CRB1: variants seen among roughly 807,000 people sequenced by gnomAD.
The protein encoded by CRB1 is protein crumbs homolog 1.
In CRB1, 83 loss-of-function variants were observed where a neutral mutation model predicts 120.0. That is an observed-to-expected ratio of 0.69 (90% CI 0.58 to 0.83). CRB1 has a LOEUF of 0.83. Among genes scored for constraint, CRB1 ranks in the 40% least tolerant of loss-of-function variants. The probability of loss-of-function intolerance (pLI) is 0.00; values close to 1 mark genes in which losing one functional copy is unlikely to be tolerated. For synonymous variants in CRB1, 625 were observed against 612.5 expected (o/e 1.02, Z -0.30); for missense variants, 1,699 against 1,687.6 (o/e 1.01, Z -0.12).
At chr1:197,289,520 G>C (rs1465215977) in intron 1 of CRB1, among the ~76,000 whole-genome samples, 1 of 151,520 alleles carries the variant, frequency 6.6e-6, no homozygotes, top group Non-Finnish European at 1.5e-5. Context: ...AAGACTTTTT[G>C]AGCTTCTTGA....
intron 2 of CRB1, among the ~76,000 whole-genome samples, chr1:197,330,907 G>A (rs1326996614): frequency 6.6e-6 from 1 of 152,130 alleles, no homozygotes; most frequent in African/African-American, 2.4e-5. Context: ...AAGAAGAGGA[G>A]TCCTCGGCCA....
chr1:197,298,977 T>C (rs1351012723), intron 1 of CRB1, among the ~76,000 whole-genome samples: 1 of 152,036 alleles, frequency 6.6e-6, no homozygotes, highest in East Asian at 1.9e-4. Flanking sequence ...AAGACAAAAG[T>C]GGTAATTATG....
the CRB1 span, among the ~76,000 whole-genome samples, chr1:197,261,723 AATAC>A: frequency 6.6e-6 from 1 of 151,380 alleles, no homozygotes; most frequent in South Asian, 2.1e-4. Context: ...TTTTCACAAT[AATAC>A]ATTTATAATT....
intron 1 of CRB1, among the ~76,000 whole-genome samples, chr1:197,321,594 T>C (rs183435942): frequency 2.0e-4 from 30 of 152,304 alleles, no homozygotes; most frequent in South Asian, 4.1e-4. Flanking sequence ...CAAAATGTCA[T>C]CAAAACCAAA....
the CRB1 span, chr1:197,222,324 G>A: frequency 1.4e-6 from 1 of 723,172 alleles, no homozygotes; most frequent in African/African-American, 1.7e-5. Context: ...GCCTATACCG[G>A]GAGAGTGAAT....
intron 1 of CRB1, among the ~76,000 whole-genome samples, chr1:197,298,425 A>C (rs543632267): frequency 6.6e-6 from 1 of 152,222 alleles, no homozygotes; most frequent in South Asian, 2.1e-4. Flanking sequence ...GACGATGAAA[A>C]AGTGGGGTAA....
At chr1:197,417,234 G>C (rs190715585) in intron 5 of CRB1, among the ~76,000 whole-genome samples, 36 of 152,308 alleles carry the variant, frequency 2.4e-4, no homozygotes, top group East Asian at 9.6e-4. Context: ...AGGAAACTTA[G>C]ACTAGATTCT....
rs143900674 is a variant in CRB1 at position 197,329,459 on chromosome 1, T to C, written c.652+456T>C. ...CAGTGGTAGTAAAGCTGATGGAGCATGGTATATCAGATAAACCACGATTTT... is the reference window on the plus strand; with the variant it reads ...CAGTGGTAGTAAAGCTGATGGAGCACGGTATATCAGATAAACCACGATTTT... On this transcript the variant is annotated intron_variant, in intron 2 of 11. Transcript: ENST00000367400. Among the ~76,000 whole-genome samples, 13 of 152,330 alleles carry C rather than the reference T, an allele frequency of 8.5e-5. No individual in the cohort carries two copies. The East Asian group carries it at 2.3e-3, about 27-fold the overall frequency.
intron 11 of CRB1, among the ~76,000 whole-genome samples, chr1:197,462,572 T>C (rs1666577996): frequency 6.6e-6 from 1 of 152,064 alleles, no homozygotes; most frequent in African/African-American, 2.4e-5. Context: ...CTTTAGGGAG[T>C]TCGAGGCAAA....
At chr1:197,428,613 G>A (rs1664717441) in intron 7 of CRB1, among the ~76,000 whole-genome samples, 1 of 152,124 alleles carries the variant, frequency 6.6e-6, no homozygotes. Context: ...CGTTTGTTGA[G>A]CTCCAACTAT....
intron 5 of CRB1, among the ~76,000 whole-genome samples, chr1:197,400,386 A>ACTG (rs1276105241): frequency 1.4e-5 from 2 of 146,942 alleles, no homozygotes; most frequent in Non-Finnish European, 3.0e-5. Context: ...ATCTTGGCTC[A>ACTG]CTGCAGCCTG....
chr1:197,374,457 G>A (rs1044981922), intron 5 of CRB1, among the ~76,000 whole-genome samples: 1 of 152,070 alleles, frequency 6.6e-6, no homozygotes, highest in African/African-American at 2.4e-5. Context: ...CCCCCTGCAT[G>A]CCATTGTGCT....
At chr1:197,404,741 T>C (rs1006352711) in intron 5 of CRB1, among the ~76,000 whole-genome samples, 1 of 152,216 alleles carries the variant, frequency 6.6e-6, no homozygotes, top group Non-Finnish European at 1.5e-5. Context: ...GCAATTATTA[T>C]TGTTGTTTAC....
chr1:197,321,031 C>G (rs932390047), intron 1 of CRB1, among the ~76,000 whole-genome samples: 1 of 152,194 alleles, frequency 6.6e-6, no homozygotes, highest in African/African-American at 2.4e-5. Context: ...ACAAGCTATT[C>G]CCATTTCCCT....
chr1:197,249,276 C>G, the CRB1 span, among the ~76,000 whole-genome samples: 1 of 151,854 alleles, frequency 6.6e-6, no homozygotes, highest in African/African-American at 2.4e-5. Flanking sequence ...TAACCAGTCC[C>G]CTTTTGATGG....
At chr1:197,431,047 C>A (rs1664846154) in intron 8 of CRB1, among the ~76,000 whole-genome samples, 1 of 149,968 alleles carries the variant, frequency 6.7e-6, no homozygotes, top group South Asian at 2.1e-4. Context: ...GCCTGTGCAA[C>A]AAAACAAGAC....
intron 11 of CRB1, among the ~76,000 whole-genome samples, chr1:197,467,986 T>A (rs1053675521): frequency 1.3e-5 from 2 of 152,144 alleles, no homozygotes; most frequent in African/African-American, 4.8e-5. Context: ...TCCTGGCACA[T>A]GAGCTGTCTG....
chr1:197,429,073 G>T, intron 7 of CRB1: 1 of 1,500,852 alleles, frequency 6.7e-7, no homozygotes, highest in Non-Finnish European at 9.0e-7. Context: ...TTGGGCAACT[G>T]GAAACACCTT....
intron 2 of CRB1, among the ~76,000 whole-genome samples, chr1:197,338,396 A>C (rs75495061): frequency 0.022 from 3,355 of 152,258 alleles, 127 homozygotes; most frequent in African/African-American, 0.073. Context: ...AGCTCACAGA[A>C]TTAGAAGAAA....
Sources: allele counts gnomAD v4.1 joint callset (sites outside exome capture counted in the v4.1 genomes callset), GRCh38; gene constraint gnomAD v4.1.1; transcripts MANE v1.5; gene names NCBI Gene and HGNC (gene_info 2026-07-23, HGNC 2026-07-21).